GSE1: variants seen among roughly 807,000 people sequenced by gnomAD.
GSE1 encodes Gse1 coiled-coil protein.
GSE1 carries 32 observed loss-of-function variants against 112.6 expected under a neutral mutation model. The ratio of observed to expected loss-of-function variants is 0.28; its 90% CI spans 0.21 to 0.38. The LOEUF is 0.38. Among genes scored for constraint, GSE1 ranks in the 10% least tolerant of loss-of-function variants. GSE1 has a pLI of 1.00. For synonymous variants in GSE1, 1,115 were observed against 735.6 expected, an observed-to-expected ratio of 1.52 and a Z score of -8.35; for missense variants, 2,348 against 1,699.2, an observed-to-expected ratio of 1.38 and a Z score of -6.71.
chr16:85,245,631 G>A (rs1473489486), intron 1 of GSE1, among the ~76,000 whole-genome samples: 1 of 152,156 alleles, frequency 6.6e-6, no homozygotes, highest in African/African-American at 2.4e-5. Flanking sequence ...TACATTAAAC[G>A]TTTTAACTCT....
intron 1 of GSE1, among the ~76,000 whole-genome samples, chr16:85,344,516 G>C (rs937158469): frequency 6.6e-6 from 1 of 152,062 alleles, no homozygotes; most frequent in Non-Finnish European, 1.5e-5. Flanking sequence ...GGGCACATTT[G>C]ATGGGCACCA....
chr16:85,501,339 C>T (rs1248616740), intron 2 of GSE1, among the ~76,000 whole-genome samples: 1 of 151,130 alleles, frequency 6.6e-6, no homozygotes. Context: ...TGCAAAGATC[C>T]TGTTTCCAAA....
At chr16:85,184,818 C>T (rs890722024) in intron 1 of GSE1, among the ~76,000 whole-genome samples, 7 of 152,314 alleles carry the variant, frequency 4.6e-5, no homozygotes, top group African/African-American at 1.4e-4. Context: ...AGAAGGTACT[C>T]TGTATGGCTT....
chr16:85,507,880 C>T (rs2051591894), intron 2 of GSE1, among the ~76,000 whole-genome samples: 1 of 152,198 alleles, frequency 6.6e-6, no homozygotes, highest in South Asian at 2.1e-4. Flanking sequence ...GCGTCATATT[C>T]ATCAGAAGAG....
chr16:85,630,342 T>G (rs187370072), intron 1 of GSE1, among the ~76,000 whole-genome samples: 1 of 152,306 alleles, frequency 6.6e-6, no homozygotes. Context: ...GATGAAGACT[T>G]TATAGACATT....
At chr16:85,323,934 T>G (rs981765977) in intron 1 of GSE1, among the ~76,000 whole-genome samples, 2 of 152,214 alleles carry the variant, frequency 1.3e-5, no homozygotes, top group African/African-American at 4.8e-5. Flanking sequence ...GAATCTGCCT[T>G]GAGCCCAGGA....
chr16:85,647,757 T>G (rs1278555245), intron 2 of GSE1, among the ~76,000 whole-genome samples: 2 of 152,158 alleles, frequency 1.3e-5, no homozygotes, highest in South Asian at 2.1e-4. Flanking sequence ...CGGCTAATAT[T>G]TGTATTTTTA....
chr16:85,584,087 C>T (rs959405633), intron 1 of GSE1, among the ~76,000 whole-genome samples: 5 of 152,228 alleles, frequency 3.3e-5, no homozygotes, highest in African/African-American at 4.8e-5. Flanking sequence ...CGCATGGGGA[C>T]GGGGACACAG....
chr16:85,271,778 G>A (rs1306089627), intron 1 of GSE1, among the ~76,000 whole-genome samples: 3 of 152,170 alleles, frequency 2.0e-5, no homozygotes, highest in African/African-American at 7.2e-5. Context: ...GAGCAGTGCC[G>A]CCTGGAGGGA....
chr16:85,540,586 T>C (rs1209258405), intron 2 of GSE1, among the ~76,000 whole-genome samples: 1 of 152,200 alleles, frequency 6.6e-6, no homozygotes, highest in Non-Finnish European at 1.5e-5. Flanking sequence ...TTCCATTCCT[T>C]TTGGCATGGT....
At chr16:85,415,544 G>A (rs1043322279) in intron 2 of GSE1, among the ~76,000 whole-genome samples, 20 of 152,228 alleles carry the variant, frequency 1.3e-4, no homozygotes, top group African/African-American at 1.4e-4. Context: ...GCAGATGGCC[G>A]CCTTCTCAGC....
intron 1 of GSE1, among the ~76,000 whole-genome samples, chr16:85,224,436 C>T (rs147424740): frequency 6.6e-6 from 1 of 151,378 alleles, no homozygotes; most frequent in African/African-American, 2.4e-5. Flanking sequence ...CAAGGCTCTG[C>T]AAATTAGTGT....
intron 2 of GSE1, among the ~76,000 whole-genome samples, chr16:85,470,765 G>C (rs939298631): frequency 1.3e-5 from 2 of 152,102 alleles, no homozygotes; most frequent in Admixed American, 6.5e-5. Context: ...CCCCACAGCT[G>C]CTGGGGTGGA....
At chr16:85,322,055 C>T (rs2046119468) in intron 1 of GSE1, among the ~76,000 whole-genome samples, 1 of 152,214 alleles carries the variant, frequency 6.6e-6, no homozygotes, top group Non-Finnish European at 1.5e-5. Context: ...TGGCGTGGAG[C>T]CTGCGTGGGA....
At chr16:85,551,030 C>A (rs926345611), upstream of GSE1, among the ~76,000 whole-genome samples, 3 of 152,168 alleles carry the variant, frequency 2.0e-5, no homozygotes, top group African/African-American at 7.2e-5. Context: ...GTGGGCAGGG[C>A]TTTTTCAGGG....
intron 1 of GSE1, among the ~76,000 whole-genome samples, chr16:85,189,743 G>T (rs1485707425): frequency 6.6e-6 from 1 of 152,162 alleles, no homozygotes; most frequent in East Asian, 1.9e-4. Flanking sequence ...GTCAGTTTTG[G>T]TGATTTATTG....
intron 2 of GSE1, among the ~76,000 whole-genome samples, chr16:85,643,925 T>G (rs1477345162): frequency 6.6e-6 from 1 of 151,738 alleles, no homozygotes; most frequent in African/African-American, 2.4e-5. Flanking sequence ...TTTTATTTCC[T>G]TTTTCGGCTC....
intron 1 of GSE1, among the ~76,000 whole-genome samples, chr16:85,241,701 G>A (rs1905184301): frequency 6.6e-6 from 1 of 152,160 alleles, no homozygotes; most frequent in Non-Finnish European, 1.5e-5. Flanking sequence ...TGCGCTTTAT[G>A]TACTCAGCCC....
chr16:85,171,393 C>T, exon 1 of GSE1: 3 of 985,690 alleles, frequency 3.0e-6, no homozygotes, highest in Non-Finnish European at 3.6e-6. Flanking sequence ...AGCCCTTCTT[C>T]CCCTTCCTCA....
Sources: gnomAD v4.1 joint callset for allele counts (sites outside exome capture counted in the v4.1 genomes callset) on GRCh38, gnomAD v4.1.1 for gene constraint, MANE v1.5 for transcripts, NCBI Gene and HGNC (gene_info 2026-07-23, HGNC 2026-07-21) for gene names.